The following SLC25A26 variants were observed in gnomAD, a reference collection of about 807,000 sequenced individuals.
The protein encoded by SLC25A26 is solute carrier family 25 member 26.
In SLC25A26, 36 loss-of-function variants were observed where a neutral mutation model predicts 37.8. The ratio of observed to expected loss-of-function variants is 0.95; its 90% CI spans 0.73 to 1.26. The LOEUF is 1.26. Among genes scored for constraint, SLC25A26 ranks in the 50% most tolerant of loss-of-function variants. The pLI is 0.00. For synonymous variants in SLC25A26, 129 were observed against 122.5 expected, an observed-to-expected ratio of 1.05 and a Z score of -0.35; for missense variants, 390 against 331.1, an observed-to-expected ratio of 1.18 and a Z score of -1.38.
intron 5 of SLC25A26, among the ~76,000 whole-genome samples, chr3:66,285,278 T>A (rs782741): frequency 0.36 from 54,602 of 150,906 alleles, 13,699 homozygotes; most frequent in African/African-American, 0.71. Flanking sequence ...TTATTTTTTT[T>A]AAAAAACCCT....
At chr3:66,298,982 A>G (rs951165339) in intron 5 of SLC25A26, among the ~76,000 whole-genome samples, 1 of 152,218 alleles carries the variant, frequency 6.6e-6, no homozygotes, top group East Asian at 1.9e-4. Flanking sequence ...TGAAGGTGCC[A>G]TCTAAAAACT....
intron 1 of SLC25A26, among the ~76,000 whole-genome samples, chr3:66,174,689 G>A (rs1395417490): frequency 6.6e-6 from 1 of 152,092 alleles, no homozygotes; most frequent in African/African-American, 2.4e-5. Context: ...GGGAGGCTGA[G>A]GCAGGAGAAT....
intron 6 of SLC25A26, among the ~76,000 whole-genome samples, chr3:66,352,868 C>T (rs1463732096): frequency 2.6e-5 from 4 of 152,144 alleles, no homozygotes; most frequent in African/African-American, 9.7e-5. Context: ...CCCGGTCTAC[C>T]CCTCTCCAAA....
At chr3:66,228,869 C>G (rs986388286) in intron 1 of SLC25A26, among the ~76,000 whole-genome samples, 4 of 152,148 alleles carry the variant, frequency 2.6e-5, no homozygotes, top group African/African-American at 9.7e-5. Flanking sequence ...GCTGAATGTT[C>G]CTGTCATGCA....
At chr3:66,365,978 C>T (rs1559743075) in intron 7 of SLC25A26, among the ~76,000 whole-genome samples, 1 of 152,178 alleles carries the variant, frequency 6.6e-6, no homozygotes, top group Admixed American at 6.5e-5. Context: ...CAGCTCCAGC[C>T]TTATTGTAGG....
chr3:66,361,010 C>A (rs1298797380), intron 6 of SLC25A26, among the ~76,000 whole-genome samples: 2 of 152,104 alleles, frequency 1.3e-5, no homozygotes, highest in Non-Finnish European at 2.9e-5. Flanking sequence ...TATAAAGTTA[C>A]AGTAGTGAAG....
At chr3:66,254,002 A>G (rs576726891) in intron 3 of SLC25A26, among the ~76,000 whole-genome samples, 7 of 152,242 alleles carry the variant, frequency 4.6e-5, no homozygotes, top group Non-Finnish European at 5.9e-5. Context: ...TTCCTTGTGT[A>G]GTCTGTATTA....
chr3:66,181,887 T>G (rs2070715291), intron 1 of SLC25A26, among the ~76,000 whole-genome samples: 1 of 151,754 alleles, frequency 6.6e-6, no homozygotes, highest in Non-Finnish European at 1.5e-5. Context: ...TCTTGTTCGT[T>G]TGGACCTGGA....
chr3:66,300,256 GTT>G (rs916553948), intron 5 of SLC25A26, among the ~76,000 whole-genome samples: 2,283 of 116,648 alleles, frequency 0.02, 58 homozygotes, highest in African/African-American at 0.055. Flanking sequence ...TTTTTGTTTT[GTT>G]TTTTTTTTTT....
chr3:66,370,921 G>A (rs1187221787), intron 9 of SLC25A26, among the ~76,000 whole-genome samples: 1 of 152,198 alleles, frequency 6.6e-6, no homozygotes, highest in African/African-American at 2.4e-5. Flanking sequence ...AGAAATACAA[G>A]GGAGTGAAGG....
rs528681916 is a variant in SLC25A26 at position 66,138,525 on chromosome 3, T to C, written c.-354+4541T>C. ...CATGATTTTTATTGTTTGACCTACA[T>C]TGGGGCCTTTCTTTCCCATCTGTCA... is the stretch of plus-strand genomic sequence containing the variant. On this transcript the variant is annotated intron_variant, in intron 1 of 10. Coordinates refer to the SLC25A26 transcript ENST00000676754. Among the ~76,000 whole-genome samples, 89 of 120,198 alleles carry C rather than the reference T, an allele frequency of 7.4e-4. 1 individual carries two copies. Among genetic ancestry groups the C allele is most frequent in the African/African-American group, 3.0e-3 (81 of 26,802 alleles). 78.9% of individuals were successfully genotyped at this position (120,198 alleles called of 152,430 possible). A position where few individuals can be genotyped will look rare whatever the true frequency, so the allele number is the denominator to read the frequency against.
intron 1 of SLC25A26, among the ~76,000 whole-genome samples, chr3:66,137,014 G>A (rs751603177): frequency 3.9e-5 from 6 of 151,982 alleles, no homozygotes; most frequent in Admixed American, 2.6e-4. Context: ...TTGCATTTAT[G>A]ATAATAGCAC....
intron 3 of SLC25A26, among the ~76,000 whole-genome samples, chr3:66,247,205 A>G (rs1259935207): frequency 5.3e-5 from 8 of 152,084 alleles, no homozygotes; most frequent in Admixed American, 5.2e-4. Flanking sequence ...CAGTGGGTAC[A>G]TAGATTTAGG....
chr3:66,356,574 G>A (rs762846013), intron 6 of SLC25A26, among the ~76,000 whole-genome samples: 7 of 152,172 alleles, frequency 4.6e-5, no homozygotes, highest in Non-Finnish European at 5.9e-5. Flanking sequence ...ACCAATCTCA[G>A]TCTTGTGCTT....
chr3:66,177,946 G>A (rs147528434), intron 1 of SLC25A26, among the ~76,000 whole-genome samples: 28 of 152,294 alleles, frequency 1.8e-4, no homozygotes, highest in Middle Eastern at 3.4e-3. Context: ...GATGAATGGC[G>A]TAAATAGCAT....
intron 3 of SLC25A26, among the ~76,000 whole-genome samples, chr3:66,247,222 C>T (rs897069312): frequency 6.6e-6 from 1 of 151,900 alleles, no homozygotes; most frequent in Non-Finnish European, 1.5e-5. Context: ...TAGGACTTTA[C>T]ACATGAAATA....
intron 5 of SLC25A26, among the ~76,000 whole-genome samples, chr3:66,300,251 G>GGTTTTTTT (rs1553688691): frequency 1.8e-5 from 2 of 111,628 alleles, no homozygotes; most frequent in Non-Finnish European, 1.9e-5. Flanking sequence ...GGGTTTTTTT[G>GGTTTTTTT]TTTTGTTTTT....
intron 1 of SLC25A26, among the ~76,000 whole-genome samples, chr3:66,138,737 C>A (rs1003584388): frequency 2.0e-5 from 3 of 152,054 alleles, no homozygotes; most frequent in Non-Finnish European, 4.4e-5. Flanking sequence ...AGAGGTTCCT[C>A]TTCACAAACC....
At chr3:66,373,675 A>ATTT (rs11316750) in intron 9 of SLC25A26, among the ~76,000 whole-genome samples, 1 of 143,886 alleles carries the variant, frequency 6.9e-6, no homozygotes, top group Non-Finnish European at 1.5e-5. Context: ...CATGATGCTG[A>ATTT]TTTTTTTTTT....
Sources: allele counts gnomAD v4.1 joint callset (sites outside exome capture counted in the v4.1 genomes callset), GRCh38; gene constraint gnomAD v4.1.1; transcripts MANE v1.5; gene names NCBI Gene and HGNC (gene_info 2026-07-23, HGNC 2026-07-21).